Variants in PPP3CC observed in about 807,000 individuals in gnomAD.
The protein encoded by PPP3CC is protein phosphatase 3 catalytic subunit gamma.
Under a neutral mutation model 60.3 loss-of-function variants are expected in PPP3CC, and 35 were observed. That is an observed-to-expected ratio of 0.58 (90% CI 0.44 to 0.77). The LOEUF (loss-of-function observed/expected upper bound fraction) is 0.77, where lower values mean the gene tolerates loss of function less well. Ranked by LOEUF, PPP3CC falls within the 30% of genes least tolerant of loss-of-function variation. The pLI is 0.00. For missense variants in PPP3CC, 570 were observed against 628.9 expected (o/e 0.91, Z 1.00); for synonymous variants, 206 against 224.3 (o/e 0.92, Z 0.73).
At chr8:22,448,818 C>A (rs1036712081) in intron 1 of PPP3CC, among the ~76,000 whole-genome samples, 5 of 150,162 alleles carry the variant, frequency 3.3e-5, no homozygotes, top group South Asian at 2.1e-4. Context: ...TTAAATTGTT[C>A]AAAAAAAAAT....
intron 6 of PPP3CC, among the ~76,000 whole-genome samples, chr8:22,518,693 T>A (rs1839319441): frequency 2.0e-5 from 3 of 152,162 alleles, no homozygotes; most frequent in Admixed American, 2.0e-4. Context: ...TTGCTATTAT[T>A]ATTATTATTT....
At chr8:22,483,329 C>T (rs1327796061) in intron 3 of PPP3CC, among the ~76,000 whole-genome samples, 1 of 152,060 alleles carries the variant, frequency 6.6e-6, no homozygotes, top group East Asian at 1.9e-4. Flanking sequence ...CTGTGTTGCC[C>T]AGGCTGGAGT....
intron 5 of PPP3CC, among the ~76,000 whole-genome samples, chr8:22,511,622 TTAAAA>T (rs1249223005): frequency 2.6e-5 from 4 of 152,164 alleles, no homozygotes; most frequent in Admixed American, 6.5e-5. Flanking sequence ...GCTGAAATCT[TTAAAA>T]TATAGATAAT....
intron 8 of PPP3CC, 169 bp downstream of exon 8, chr8:22,522,918 G>A (rs1281093195): frequency 5.5e-6 from 3 of 544,314 alleles, no homozygotes; most frequent in Non-Finnish European, 6.3e-6. Context: ...TTATGCTGCT[G>A]CTTGGTCTTT....
chr8:22,525,818 C>G (rs1839545252), intron 8 of PPP3CC, among the ~76,000 whole-genome samples: 1 of 151,890 alleles, frequency 6.6e-6, no homozygotes. Context: ...CCTCGGCCTC[C>G]CAAAGTGCTG....
chr8:22,460,893 TG>T (rs1227464567), intron 1 of PPP3CC, among the ~76,000 whole-genome samples: 1 of 152,214 alleles, frequency 6.6e-6, no homozygotes, highest in Non-Finnish European at 1.5e-5. Flanking sequence ...TTGCCCAGGC[TG>T]GAGTGCAGTG....
intron 3 of PPP3CC, among the ~76,000 whole-genome samples, chr8:22,480,510 G>T (rs982851125): frequency 6.6e-6 from 1 of 152,092 alleles, no homozygotes; most frequent in Admixed American, 6.6e-5. Flanking sequence ...ACGGAGTCTC[G>T]CTCTGTCACC....
rs769927493 is a variant in PPP3CC at position 22,522,779 on chromosome 8, A to G, written c.943+30A>G. 2.1e-6 allele frequency: 3 copies of G among 1,445,864 alleles called. No individual in the cohort carries two copies. In the South Asian group the frequency reaches 3.5e-5, roughly 17 times the overall value. The allele number at this position is 1,445,864 out of a possible 1,614,324, so 89.6% of individuals were successfully genotyped here. On this transcript the variant is annotated intron_variant, in intron 8 of 13. Coordinates refer to ENST00000240139, the MANE Select transcript of PPP3CC (RefSeq NM_005605.5). ...AGGAATCCAGCAATATTTGAGTTTG[A>G]ATTTATGAGTAAACGTGAGCTCTGG...
intron 1 of PPP3CC, among the ~76,000 whole-genome samples, chr8:22,467,240 A>C (rs548716968): frequency 6.6e-6 from 1 of 152,306 alleles, no homozygotes; most frequent in Admixed American, 6.5e-5. Flanking sequence ...GTACTTATGC[A>C]TTGAGATATT....
At chr8:22,486,246 A>G (rs571040150) in intron 3 of PPP3CC, among the ~76,000 whole-genome samples, 4 of 152,104 alleles carry the variant, frequency 2.6e-5, no homozygotes, top group African/African-American at 9.6e-5. Flanking sequence ...CAATATCTCT[A>G]TTTTATTCAG....
At chr8:22,450,086 G>C (rs942994598) in intron 1 of PPP3CC, among the ~76,000 whole-genome samples, 1 of 151,968 alleles carries the variant, frequency 6.6e-6, no homozygotes, top group Non-Finnish European at 1.5e-5. Context: ...GGTCAGGCTG[G>C]TCTTGAACTC....
intron 10 of PPP3CC, among the ~76,000 whole-genome samples, chr8:22,531,977 C>T (rs1048473045): frequency 1.3e-5 from 2 of 152,238 alleles, no homozygotes; most frequent in African/African-American, 4.8e-5. Context: ...TCCTACCTCT[C>T]ATAGATCCAC....
At chr8:22,443,676 G>T (rs1836742910) in intron 1 of PPP3CC, among the ~76,000 whole-genome samples, 1 of 152,084 alleles carries the variant, frequency 6.6e-6, no homozygotes. Flanking sequence ...TTAAATAAAT[G>T]AAATAGAAAT....
At chr8:22,491,879 G>A (rs771668841) in intron 3 of PPP3CC, among the ~76,000 whole-genome samples, 4 of 152,098 alleles carry the variant, frequency 2.6e-5, no homozygotes, top group Non-Finnish European at 4.4e-5. Context: ...TGGAAAGAAC[G>A]TATATTCTCT....
intron 1 of PPP3CC, among the ~76,000 whole-genome samples, chr8:22,471,667 G>C (rs532948303): frequency 1.3e-5 from 2 of 152,166 alleles, no homozygotes; most frequent in South Asian, 4.1e-4. Flanking sequence ...TGGTACACCT[G>C]TATAGGGCAC....
intron 1 of PPP3CC, among the ~76,000 whole-genome samples, chr8:22,470,225 G>A (rs1343088436): frequency 2.0e-5 from 3 of 151,978 alleles, no homozygotes; most frequent in South Asian, 2.1e-4. Flanking sequence ...GGGCTCAAGC[G>A]TTCCTCCTGC....
chr8:22,515,388 G>A (rs989967838), intron 6 of PPP3CC, among the ~76,000 whole-genome samples: 1 of 152,108 alleles, frequency 6.6e-6, no homozygotes, highest in East Asian at 1.9e-4. Context: ...AGACACTTAG[G>A]TTGCTTCCAA....
At chr8:22,493,595 G>A (rs1021265468) in intron 3 of PPP3CC, among the ~76,000 whole-genome samples, 3 of 151,714 alleles carry the variant, frequency 2.0e-5, no homozygotes, top group Non-Finnish European at 2.9e-5. Context: ...ACACATGCAC[G>A]TGCGCACGCA....
intron 12 of PPP3CC, among the ~76,000 whole-genome samples, chr8:22,535,919 A>G (rs990773427): frequency 6.6e-6 from 1 of 152,058 alleles, no homozygotes; most frequent in African/African-American, 2.4e-5. Context: ...TTTAGTAGAG[A>G]TGGGGTTTCA....
Sources: gnomAD v4.1 joint callset for allele counts (sites outside exome capture counted in the v4.1 genomes callset) on GRCh38, gnomAD v4.1.1 for gene constraint, MANE v1.5 for transcripts, NCBI Gene and HGNC (gene_info 2026-07-23, HGNC 2026-07-21) for gene names.